Variants in ASTN2 observed in about 807,000 individuals in gnomAD.
The protein encoded by ASTN2 is astrotactin 2.
A neutral mutation model predicts 139.8 loss-of-function variants in ASTN2; 54 were observed. The observed-to-expected ratio is 0.39, with a 90% CI of 0.31 to 0.48. The LOEUF (loss-of-function observed/expected upper bound fraction) is 0.48, where lower values mean the gene tolerates loss of function less well. Ranked by LOEUF, ASTN2 falls within the 20% of genes least tolerant of loss-of-function variation. ASTN2 has a pLI of 0.95. For missense variants in ASTN2, 1,565 were observed against 1,725.1 expected (o/e 0.91, Z 1.64); for synonymous variants, 756 against 719.5 (o/e 1.05, Z -0.81).
At chr9:116,627,975 G>C (rs1352379477) in intron 17 of ASTN2, among the ~76,000 whole-genome samples, 1 of 152,172 alleles carries the variant, frequency 6.6e-6, no homozygotes, top group Non-Finnish European at 1.5e-5. Context: ...GAGCTGGTAA[G>C]TGGTAGAGCC....
intron 4 of ASTN2, among the ~76,000 whole-genome samples, chr9:117,102,579 G>A (rs1408483492): frequency 2.6e-5 from 4 of 152,136 alleles, no homozygotes; most frequent in African/African-American, 9.7e-5. Context: ...CTGGGGTACA[G>A]TGGCATGATC....
intron 3 of ASTN2, among the ~76,000 whole-genome samples, chr9:117,151,737 C>G (rs754092799): frequency 1.3e-5 from 2 of 152,104 alleles, no homozygotes; most frequent in Non-Finnish European, 2.9e-5. Context: ...ACAGAAAGTT[C>G]CACACACTTT....
intron 11 of ASTN2, among the ~76,000 whole-genome samples, chr9:116,822,549 G>C (rs1048462326): frequency 3.3e-5 from 5 of 152,080 alleles, no homozygotes; most frequent in African/African-American, 1.2e-4. Flanking sequence ...TTGCAGACTC[G>C]CGGAGCATGT....
chr9:117,273,950 C>T (rs1834124043), intron 2 of ASTN2, among the ~76,000 whole-genome samples: 2 of 152,204 alleles, frequency 1.3e-5, no homozygotes, highest in Admixed American at 6.5e-5. Flanking sequence ...CCAGACATAT[C>T]TTCACCTTCT....
At chr9:116,740,676 C>A (rs1829075473) in intron 13 of ASTN2, among the ~76,000 whole-genome samples, 1 of 151,824 alleles carries the variant, frequency 6.6e-6, no homozygotes, top group Non-Finnish European at 1.5e-5. Context: ...CCACGCTCTG[C>A]TAATTTTTTA....
chr9:116,806,097 T>G (rs1028367483), intron 12 of ASTN2, among the ~76,000 whole-genome samples: 9 of 152,316 alleles, frequency 5.9e-5, no homozygotes, highest in Admixed American at 3.9e-4. Flanking sequence ...AAAGACTGTT[T>G]CCCATGAACA....
intron 22 of ASTN2, among the ~76,000 whole-genome samples, chr9:116,428,697 A>C (rs550483555): frequency 1.1e-4 from 16 of 152,248 alleles, no homozygotes; most frequent in African/African-American, 3.9e-4. Flanking sequence ...GTAATGATAC[A>C]ACCACAGGCT....
chr9:117,297,284 G>A (rs540882325), intron 1 of ASTN2, among the ~76,000 whole-genome samples: 1 of 152,218 alleles, frequency 6.6e-6, no homozygotes, highest in East Asian at 1.9e-4. Context: ...TGAACTCACC[G>A]CCCGGGCAGA....
At chr9:117,080,024 C>G (rs894416442) in intron 5 of ASTN2, among the ~76,000 whole-genome samples, 6 of 152,224 alleles carry the variant, frequency 3.9e-5, no homozygotes, top group Non-Finnish European at 8.8e-5. Context: ...CCAAGGTTCA[C>G]ACCGCGAGGA....
intron 10 of ASTN2, among the ~76,000 whole-genome samples, chr9:116,971,589 C>G (rs1836203306): frequency 6.6e-6 from 1 of 152,192 alleles, no homozygotes; most frequent in African/African-American, 2.4e-5. Context: ...TCATTTAAGT[C>G]TTCCTCAAAG....
At position 116,535,396 on chromosome 9, in the gene ASTN2, C is replaced by A. The variant is rs568916824; in HGVS notation, c.3356-47896G>T. On this transcript the variant is annotated intron_variant, in intron 19 of 22. Transcript: ENST00000313400. ...AATATTGTTATATGTGAGTTTGATC[C>A]TGTCATTATGATGTTAGCTGGTTAT... Among the ~76,000 whole-genome samples the A allele has an allele frequency of 2.0e-5, 3 of 152,226 alleles. No individual in the cohort carries two copies. The East Asian group carries it at 5.8e-4, about 29-fold the overall frequency.
intron 5 of ASTN2, among the ~76,000 whole-genome samples, chr9:117,042,717 A>G (rs1838615682): frequency 6.6e-6 from 1 of 152,180 alleles, no homozygotes; most frequent in Non-Finnish European, 1.5e-5. Flanking sequence ...CATCAACGTT[A>G]TCTACTAAAA....
chr9:116,728,600 G>T (rs1177127549), intron 15 of ASTN2, among the ~76,000 whole-genome samples: 1 of 152,090 alleles, frequency 6.6e-6, no homozygotes, highest in Non-Finnish European at 1.5e-5. Context: ...AGCCAGGAGA[G>T]AAAGAGAAAT....
intron 2 of ASTN2, among the ~76,000 whole-genome samples, chr9:117,265,480 A>G (rs958996365): frequency 1.3e-5 from 2 of 152,078 alleles, no homozygotes; most frequent in Admixed American, 1.3e-4. Context: ...ACCTCTAGCC[A>G]AAGAGTCACA....
At chr9:116,789,634 T>C (rs1244605695) in intron 13 of ASTN2, among the ~76,000 whole-genome samples, 1 of 152,242 alleles carries the variant, frequency 6.6e-6, no homozygotes, top group Non-Finnish European at 1.5e-5. Flanking sequence ...AGGGCATCTC[T>C]TTGAAATAAA....
At chr9:117,357,283 T>C (rs927677866) in intron 1 of ASTN2, among the ~76,000 whole-genome samples, 4 of 152,178 alleles carry the variant, frequency 2.6e-5, no homozygotes, top group Admixed American at 6.5e-5. Flanking sequence ...TACAATATTT[T>C]AAATTAATCA....
At chr9:116,867,869 A>G (rs9696212) in intron 10 of ASTN2, among the ~76,000 whole-genome samples, 43,479 of 152,088 alleles carry the variant, frequency 0.29, 6,449 homozygotes, top group South Asian at 0.5. Flanking sequence ...AGGAAAAAAA[A>G]GCTTAAAGCA....
intron 3 of ASTN2, among the ~76,000 whole-genome samples, chr9:117,184,957 C>A (rs111579827): frequency 1.3e-5 from 2 of 152,162 alleles, no homozygotes; most frequent in African/African-American, 4.8e-5. Context: ...GAGAAGAGTC[C>A]AACACTATTA....
At chr9:116,642,564 C>A (rs1165727682) in intron 17 of ASTN2, among the ~76,000 whole-genome samples, 1 of 152,076 alleles carries the variant, frequency 6.6e-6, no homozygotes. Context: ...CTGACACTGA[C>A]CCTCTTAGTT....
Sources: gnomAD v4.1 joint callset for allele counts (sites outside exome capture counted in the v4.1 genomes callset) on GRCh38, gnomAD v4.1.1 for gene constraint, MANE v1.5 for transcripts, NCBI Gene and HGNC (gene_info 2026-07-23, HGNC 2026-07-21) for gene names.